SMIM31: variants seen among roughly 807,000 people sequenced by gnomAD.
The protein encoded by SMIM31 is small integral membrane protein 31.
chr4:164,794,535 A>C (rs920896416), intron 2 of SMIM31, among the ~76,000 whole-genome samples: 1 of 152,180 alleles, frequency 6.6e-6, no homozygotes, highest in Non-Finnish European at 1.5e-5. Context: ...GGCCAGACGC[A>C]GTGGCTCACA....
chr4:164,762,994 A>G (rs1294686551), intron 1 of SMIM31, among the ~76,000 whole-genome samples: 1 of 152,218 alleles, frequency 6.6e-6, no homozygotes, highest in Non-Finnish European at 1.5e-5. Context: ...TTCAAGCACA[A>G]AAGAATTCTG....
Position 164,754,329 on chromosome 4 carries a change from C to T in SMIM31, c.-108C>T, listed in dbSNP as rs73871395. ...TTAACAGACACAGGCCATTCAGTCCCGAATCCCAAGACACTGAAGACTCTG... is the reference window on the plus strand; with the variant it reads ...TTAACAGACACAGGCCATTCAGTCCTGAATCCCAAGACACTGAAGACTCTG... On this transcript the variant is annotated 5_prime_UTR_variant, in exon 1 of 3. Transcript: ENST00000507311. The T allele has an allele frequency of 6.6e-5, 10 of 152,196 alleles. No individual in the cohort carries two copies. The highest frequency in any genetic ancestry group is 2.1e-4 in the South Asian group (1 of 4,824). The allele number at this position is 152,196 out of a possible 1,614,324, so 9.4% of individuals were successfully genotyped here. A position where few individuals can be genotyped will look rare whatever the true frequency, so the allele number is the denominator to read the frequency against.
rs1733309194 is a variant in SMIM31, at chr4:164,803,179, C to T, written c.*1985C>T. 1 of 152,164 alleles carries T rather than the reference C, an allele frequency of 6.6e-6. No homozygotes were observed. The highest frequency in any genetic ancestry group is 2.4e-5 in the African/African-American group (1 of 41,424). 9.4% of individuals were successfully genotyped at this position (152,164 alleles called of 1,614,324 possible). Reference sequence around the variant, plus strand: ...TTCAGAAAAGCAGAAAAATCAACAACATGGTTTCAAATACTTGGATGAGGC... The same window carrying T: ...TTCAGAAAAGCAGAAAAATCAACAATATGGTTTCAAATACTTGGATGAGGC... On this transcript the variant is annotated 3_prime_UTR_variant, in exon 3 of 3. Coordinates refer to ENST00000507311, the MANE Select transcript of SMIM31 (RefSeq NM_001352885.1).
At chr4:164,767,486 G>A (rs17622364) in intron 1 of SMIM31, among the ~76,000 whole-genome samples, 5,701 of 152,174 alleles carry the variant, frequency 0.037, 196 homozygotes, top group East Asian at 0.16. Context: ...GAAGCTGTGG[G>A]GAACAAGTGA....
intron 2 of SMIM31, among the ~76,000 whole-genome samples, chr4:164,779,683 T>A (rs1732922667): frequency 6.6e-6 from 1 of 152,218 alleles, no homozygotes; most frequent in African/African-American, 2.4e-5. Flanking sequence ...CAAACTTGCA[T>A]GGAATGAGAC....
At chr4:164,756,046 C>T (rs756232695) in intron 1 of SMIM31, among the ~76,000 whole-genome samples, 98 of 152,054 alleles carry the variant, frequency 6.4e-4, no homozygotes, top group Admixed American at 3.9e-4. Flanking sequence ...AAACTTTACC[C>T]CTAAACATTT....
chr4:164,782,492 C>CTGAG (rs1732966226), intron 2 of SMIM31, among the ~76,000 whole-genome samples: 1 of 149,030 alleles, frequency 6.7e-6, no homozygotes, highest in African/African-American at 2.5e-5. Flanking sequence ...CATTCTCCTG[C>CTGAG]CTCAGCCTCC....
At chr4:164,778,593 A>G (rs1732907720) in intron 2 of SMIM31, among the ~76,000 whole-genome samples, 2 of 152,348 alleles carry the variant, frequency 1.3e-5, no homozygotes, top group African/African-American at 4.8e-5. Context: ...CACTTAACAT[A>G]TTTAAGCCTC....
chr4:164,794,122 A>G (rs1258608487), intron 2 of SMIM31, among the ~76,000 whole-genome samples: 4 of 152,138 alleles, frequency 2.6e-5, no homozygotes, highest in African/African-American at 9.7e-5. Flanking sequence ...CACGTCTGTA[A>G]CCCCAGCATT....
rs181178912 is a variant in SMIM31, at chr4:164,778,723, C to T, written c.112+8168C>T. 3.2e-4 allele frequency among the ~76,000 whole-genome samples: 49 copies of T among 152,154 alleles called. No individual in the cohort carries two copies. In the East Asian group the frequency reaches 8.3e-3, roughly 26 times the overall value. On this transcript the variant is annotated intron_variant, in intron 2 of 2. Transcript: ENST00000507311. ...AGGAGAGGAAGAGGCAGGAAGAGCT[C>T]GGTGAGCATGATCATGGCTCAGGTT...
intron 2 of SMIM31, among the ~76,000 whole-genome samples, chr4:164,774,168 G>GAAAAAAAAAAAAAAAAAAA (rs11322166): frequency 8.2e-6 from 1 of 121,254 alleles, no homozygotes; most frequent in Non-Finnish European, 1.7e-5. Flanking sequence ...TCTGTCTCAA[G>GAAAAAAAAAAAAAAAAAAA]AAAAAAAAAA....
At chr4:164,781,926 T>C (rs1404056378) in intron 2 of SMIM31, among the ~76,000 whole-genome samples, 2 of 152,184 alleles carry the variant, frequency 1.3e-5, no homozygotes, top group Non-Finnish European at 2.9e-5. Flanking sequence ...AGAATCTTGT[T>C]CCACATCTTG....
intron 1 of SMIM31, among the ~76,000 whole-genome samples, chr4:164,767,905 T>C (rs4234977): frequency 0.46 from 70,580 of 151,822 alleles, 17,323 homozygotes; most frequent in Admixed American, 0.55. Flanking sequence ...CGTTTATTTG[T>C]CTAGAATGGC....
At chr4:164,799,889 T>C (rs908624927) in intron 2 of SMIM31, among the ~76,000 whole-genome samples, 19 of 152,344 alleles carry the variant, frequency 1.2e-4, no homozygotes, top group South Asian at 1.0e-3. Flanking sequence ...GTGGTGCTAA[T>C]TGACATCAGG....
rs35632469 is a variant in SMIM31, at chr4:164,758,801, A to ATTTTT, written c.-26+4426_-26+4430dup. ...GGCGCCCGCCACCACGCCCGGCCAA[A>ATTTTT]TTTTTTTTTTTTTTTTTTTTTTTTT... On this transcript the variant is annotated intron_variant, in intron 1 of 2. Coordinates refer to ENST00000507311, the MANE Select transcript of SMIM31 (RefSeq NM_001352885.1). Among the ~76,000 whole-genome samples, 95 of 60,892 alleles carry ATTTTT rather than the reference A, an allele frequency of 1.6e-3. 3 individuals are homozygous for ATTTTT. The highest frequency in any genetic ancestry group is 4.3e-3 in the East Asian group (7 of 1,636). 39.9% of individuals were successfully genotyped at this position (60,892 alleles called of 152,430 possible). A position where few individuals can be genotyped will look rare whatever the true frequency, so the allele number is the denominator to read the frequency against.
chr4:164,768,411 G>A (rs57458993), intron 1 of SMIM31, among the ~76,000 whole-genome samples: 10,046 of 111,756 alleles, frequency 0.09, 528 homozygotes, highest in African/African-American at 0.17. Flanking sequence ...CCTGGGTGAC[G>A]AGCAACAGTA....
intron 1 of SMIM31, among the ~76,000 whole-genome samples, chr4:164,762,284 A>T (rs1367629958): frequency 4.6e-5 from 7 of 152,232 alleles, no homozygotes; most frequent in African/African-American, 1.4e-4. Context: ...AAGACTGGAG[A>T]TATACCTAAC....
intron 2 of SMIM31, among the ~76,000 whole-genome samples, chr4:164,779,356 G>GA (rs1215029678): frequency 1.3e-5 from 2 of 152,124 alleles, no homozygotes; most frequent in Admixed American, 6.5e-5. Flanking sequence ...AAATTGTTAG[G>GA]AAAAAAATGC....
intron 1 of SMIM31, among the ~76,000 whole-genome samples, chr4:164,767,184 C>T (rs1224749880): frequency 6.6e-6 from 1 of 152,138 alleles, no homozygotes; most frequent in African/African-American, 2.4e-5. Flanking sequence ...TTATAAAGAT[C>T]ATTCCCTTCG....
Sources: allele counts gnomAD v4.1 joint callset (sites outside exome capture counted in the v4.1 genomes callset), GRCh38; gene constraint gnomAD v4.1.1; transcripts MANE v1.5; gene names NCBI Gene and HGNC (gene_info 2026-07-23, HGNC 2026-07-21).